The following MTMR10 variants were observed in gnomAD, a reference collection of about 807,000 sequenced individuals.
MTMR10 encodes myotubularin-related protein 10.
Under a neutral mutation model 88.1 loss-of-function variants are expected in MTMR10, and 56 were observed. The ratio of observed to expected loss-of-function variants is 0.64; its 90% CI spans 0.51 to 0.79. The LOEUF is 0.79. Among genes scored for constraint, MTMR10 ranks in the 30% least tolerant of loss-of-function variants. MTMR10 has a pLI of 0.00. For synonymous variants in MTMR10, 380 were observed against 340.9 expected (o/e 1.11, Z -1.26); for missense variants, 883 against 924.7 (o/e 0.95, Z 0.58).
chr15:30,925,696 G>A, the MTMR10 span: 1 of 1,393,170 alleles, frequency 7.2e-7, no homozygotes, highest in Non-Finnish European at 1.0e-6. Flanking sequence ...TGACTTTGTG[G>A]TAAGGGAGGT....
In MTMR10 at chr15:30,953,626, A is replaced by G. The variant is rs780580531; in HGVS notation, c.1072T>C (p.Phe358Leu). The change falls in exon 11 of 16, where the codon TTT (phenylalanine) becomes CTT (leucine). Residue 358 changes from phenylalanine to leucine, a missense_variant. Transcript: ENST00000435680. Reference protein sequence around the residue: ...KLKQLCVNEPFEETEEKWLSS... With the variant: ...KLKQLCVNEPLEETEEKWLSS... ...AACCATTTCTCTTCAGTTTCTTCAA[A>G]AGGCTCTGTAATAAATTATATACAT... 6.5e-7 allele frequency: 1 copy of G among 1,535,742 alleles called. No homozygotes were observed. The highest frequency in any genetic ancestry group is 2.4e-5 in the East Asian group (1 of 40,890).
chr15:30,938,973 A>G lies in MTMR10; in HGVS notation c.*2497T>C, dbSNP rs187598489. 3.0e-6 allele frequency: 3 copies of G among 985,422 alleles called. No homozygotes were observed. The highest frequency in any genetic ancestry group is 3.6e-6 in the Non-Finnish European group (3 of 829,900). 61.0% of individuals were successfully genotyped at this position (985,422 alleles called of 1,614,324 possible). Reference sequence around the variant, plus strand: ...GCTGTGGAATTTTATTAAGCCATCAAAATTTCCTTCACATTCAATACTGTT... The same window carrying G: ...GCTGTGGAATTTTATTAAGCCATCAGAATTTCCTTCACATTCAATACTGTT... On this transcript the variant is annotated 3_prime_UTR_variant, in exon 16 of 16. Transcript: ENST00000435680.
chr15:30,923,832 T>G, the MTMR10 span, among the ~76,000 whole-genome samples: 1 of 152,226 alleles, frequency 6.6e-6, no homozygotes, highest in Non-Finnish European at 1.5e-5. Flanking sequence ...TTTTTATGTT[T>G]CTATTGTGGT....
At chr15:30,982,288 A>C (rs2141064046) in intron 2 of MTMR10, among the ~76,000 whole-genome samples, 1 of 152,322 alleles carries the variant, frequency 6.6e-6, no homozygotes, top group Non-Finnish European at 1.5e-5. Context: ...TAAAACCTGC[A>C]GTTTAGCTAA....
intron 5 of MTMR10, among the ~76,000 whole-genome samples, chr15:30,970,392 G>A (rs941002552): frequency 3.9e-5 from 6 of 152,098 alleles, no homozygotes; most frequent in African/African-American, 1.4e-4. Flanking sequence ...TGAGAAGAGG[G>A]AGACAGGCTA....
chr15:30,931,305 G>A, the MTMR10 span, among the ~76,000 whole-genome samples: 2 of 152,140 alleles, frequency 1.3e-5, no homozygotes, highest in Non-Finnish European at 2.9e-5. Flanking sequence ...TCATTATTGA[G>A]TTTTGAGATT....
chr15:30,990,231 G>A (rs1013688246), intron 2 of MTMR10, among the ~76,000 whole-genome samples: 2 of 152,172 alleles, frequency 1.3e-5, no homozygotes, highest in African/African-American at 4.8e-5. Context: ...CTGGCATCTA[G>A]TGGGTGGAGG....
intron 14 of MTMR10, among the ~76,000 whole-genome samples, chr15:30,946,044 CCTG>C (rs2063166533): frequency 6.6e-6 from 1 of 152,222 alleles, no homozygotes; most frequent in South Asian, 2.1e-4. Flanking sequence ...GACAATCTCT[CCTG>C]CCTTTTGTGT....
the MTMR10 span, among the ~76,000 whole-genome samples, chr15:30,929,642 CAATATAT>C: frequency 2.9e-5 from 3 of 102,366 alleles, no homozygotes; most frequent in African/African-American, 1.4e-4. Context: ...ATACAATATA[CAATATAT>C]AATATAATAT....
At chr15:30,933,702 A>T in the MTMR10 span, among the ~76,000 whole-genome samples, 1 of 151,826 alleles carries the variant, frequency 6.6e-6, no homozygotes, top group Non-Finnish European at 1.5e-5. Flanking sequence ...TTGTTCTATA[A>T]ATTATTGAGA....
intron 2 of MTMR10, 138 bp from the exon 3 acceptor site, chr15:30,977,093 C>A (rs1415366567): frequency 3.9e-6 from 3 of 775,780 alleles, no homozygotes; most frequent in Non-Finnish European, 6.1e-6. Flanking sequence ...AGGTGCCAGG[C>A]ACTGTATGGT....
At chr15:30,932,716 C>CCTT in the MTMR10 span, among the ~76,000 whole-genome samples, 1 of 134,378 alleles carries the variant, frequency 7.4e-6, no homozygotes, top group African/African-American at 2.8e-5. Context: ...TGTTTCTTTT[C>CCTT]TTTTTTTTTT....
intron 6 of MTMR10, among the ~76,000 whole-genome samples, chr15:30,964,038 A>G (rs1302660006): frequency 6.6e-6 from 1 of 151,676 alleles, no homozygotes; most frequent in African/African-American, 2.4e-5. Flanking sequence ...AACGTTAGCA[A>G]GTTTGGAATA....
the MTMR10 span, among the ~76,000 whole-genome samples, chr15:30,921,984 C>T: frequency 3.3e-5 from 5 of 152,200 alleles, no homozygotes; most frequent in African/African-American, 1.2e-4. Flanking sequence ...CTCTGCAGCA[C>T]TCACAGATGT....
At chr15:30,938,649 C>T (rs754438908), downstream of MTMR10, among the ~76,000 whole-genome samples, 52 of 152,132 alleles carry the variant, frequency 3.4e-4, no homozygotes, top group Non-Finnish European at 5.7e-4. Flanking sequence ...ACTGGAACCC[C>T]AGTCTGTCTC....
chr15:30,920,674 C>A, the MTMR10 span: 2 of 1,397,856 alleles, frequency 1.4e-6, no homozygotes, highest in Non-Finnish European at 2.0e-6. Context: ...AGGTCCCTGC[C>A]CCCCACCATT....
In MTMR10 at chr15:30,941,541, T is replaced by C; in HGVS notation, c.2263A>G (p.Thr755Ala). 6.2e-7 allele frequency: 1 copy of C among 1,608,518 alleles called. No homozygotes were observed. The highest frequency in any genetic ancestry group is 8.5e-7 in the Non-Finnish European group (1 of 1,177,036). Residue 755 changes from threonine to alanine, a missense_variant, in exon 16 of 16, where the codon ACA (threonine) becomes GCA (alanine). Thr to Ala is a moderately conservative substitution (Grantham distance 58). This residue lies in a region of MTMR10 where 343 missense variants were observed against 323.2 expected (regional missense o/e 1.06). Transcript: ENST00000435680. The part of the protein sequence containing the change: ...GNLCRRSILG[T>A]PLSKFLSGAK... ...CCACTTAAAAATTTGCTTAATGGTG[T>C]TCCTAAAATGCTTCGTCTGCACAGA...
At position 30,974,333 on chromosome 15, in the gene MTMR10, C is replaced by T. The variant is rs762677702; in HGVS notation, c.455G>A (p.Gly152Asp). ...RIVRFRFDES[G>D]PESAKKVCLA... Reference sequence around the variant, plus strand: ...TATTACCTTTTTAGCACTTTCGGGACCTGATTCATCAAAGCGAAATCTGAC... The same window carrying T: ...TATTACCTTTTTAGCACTTTCGGGATCTGATTCATCAAAGCGAAATCTGAC... The change falls in exon 5 of 16, where the codon GGT becomes GAT. Residue 152 changes from glycine (G) to aspartate (D), a missense_variant. By Grantham distance (94) the Gly-to-Asp change is moderately conservative. This residue lies in a region of MTMR10 where 414 missense variants were observed against 423.2 expected (regional missense o/e 0.98). Coordinates refer to ENST00000435680, the MANE Select transcript of MTMR10 (RefSeq NM_017762.3). The T allele has an allele frequency of 6.2e-7, 1 of 1,602,458 alleles. No individual in the cohort carries two copies. The highest frequency in any genetic ancestry group is 1.7e-5 in the Admixed American group (1 of 59,238).
chr15:30,966,629 T>C lies in MTMR10; in HGVS notation c.565+1291A>G, dbSNP rs190108681. Among the ~76,000 whole-genome samples, 10 of 152,322 alleles carry C rather than the reference T, an allele frequency of 6.6e-5. No individual in the cohort carries two copies. The East Asian group carries it at 1.7e-3, about 26-fold the overall frequency. On this transcript the variant is annotated intron_variant, in intron 6 of 15. Transcript: ENST00000435680. Reference sequence around the variant, plus strand: ...ATGATCCCAAGGAGTGTTTACCTAATAGTGCAGGATCTGTATACTTTATTT... The same window carrying C: ...ATGATCCCAAGGAGTGTTTACCTAACAGTGCAGGATCTGTATACTTTATTT...
Sources: allele counts gnomAD v4.1 joint callset (sites outside exome capture counted in the v4.1 genomes callset), GRCh38; gene constraint gnomAD v4.1.1; regional missense constraint gnomAD v4.1.1; transcripts MANE v1.5; gene names NCBI Gene and HGNC (gene_info 2026-07-23, HGNC 2026-07-21).